Variants in HPCAL1 observed in about 807,000 individuals in gnomAD.
HPCAL1 encodes hippocalcin-like protein 1.
HPCAL1 carries 8 observed loss-of-function variants against 17.1 expected under a neutral mutation model. That is an observed-to-expected ratio of 0.47 (90% confidence interval 0.27 to 0.84). HPCAL1 has a LOEUF of 0.84. Among genes scored for constraint, HPCAL1 ranks in the 40% least tolerant of loss-of-function variants. The pLI, the probability that HPCAL1 is intolerant of heterozygous loss-of-function variation, is 0.13. For synonymous variants in HPCAL1, 112 were observed against 111.4 expected (o/e 1.01, Z -0.03); for missense variants, 165 against 271.1 (o/e 0.61, Z 2.75).
intron 2 of HPCAL1, among the ~76,000 whole-genome samples, chr2:10,409,245 G>A (rs919714368): frequency 6.6e-6 from 1 of 152,130 alleles, no homozygotes; most frequent in African/African-American, 2.4e-5. Flanking sequence ...AGACACGGAG[G>A]CACCTGAGAG....
chr2:10,376,637 A>G (rs1014081976), intron 1 of HPCAL1, among the ~76,000 whole-genome samples: 2 of 152,044 alleles, frequency 1.3e-5, no homozygotes, highest in African/African-American at 4.8e-5. Context: ...GGGCTTTACC[A>G]TGTTAGCCAG....
In HPCAL1 at chr2:10,426,825, A is replaced by G. The variant is rs1671438449; in HGVS notation, c.*4A>G. The stretch of plus-strand genomic sequence containing the variant: ...CAGCAGTGCCAGTCAGTTCTGAGCG[A>G]GCGGCCCCTGGACAGTTGCAGAGAA... On this transcript the variant is annotated 3_prime_UTR_variant, in exon 5 of 5. Transcript: ENST00000307845. 6.2e-7 allele frequency: 1 copy of G among 1,611,874 alleles called. No individual in the cohort carries two copies.
intron 1 of HPCAL1, among the ~76,000 whole-genome samples, chr2:10,336,027 G>A (rs1664695537): frequency 6.6e-6 from 1 of 151,760 alleles, no homozygotes; most frequent in Non-Finnish European, 1.5e-5. Context: ...TAAATTAATT[G>A]CATGTTCATA....
rs112147394 is a variant in HPCAL1, at chr2:10,367,914, G to A, written c.-110-28921G>A. On this transcript the variant is annotated intron_variant, in intron 1 of 4. Coordinates refer to ENST00000307845, the MANE Select transcript of HPCAL1 (RefSeq NM_002149.4). This position sits in a 1 kb window ranked among gnomAD's most constrained non-coding sequence, Gnocchi z 4.4. ...TGTGTGCTTGCATGTGTGTATGTGCGTGTGTGCCCATATGCGTGTGTAGGT... is the reference window on the plus strand; with the variant it reads ...TGTGTGCTTGCATGTGTGTATGTGCATGTGTGCCCATATGCGTGTGTAGGT... Among the ~76,000 whole-genome samples, 8,379 of 152,264 alleles carry A rather than the reference G, an allele frequency of 0.055. 334 individuals are homozygous for A. Among genetic ancestry groups the A allele is most frequent in the Non-Finnish European group, 0.085 (5,766 of 68,016 alleles).
At chr2:10,338,201 T>G (rs1261869405) in intron 1 of HPCAL1, among the ~76,000 whole-genome samples, 1 of 152,144 alleles carries the variant, frequency 6.6e-6, no homozygotes, top group Non-Finnish European at 1.5e-5. Flanking sequence ...AAGCGACTCC[T>G]AAGGGGCACG....
At chr2:10,396,456 G>A (rs896160189) in intron 1 of HPCAL1, among the ~76,000 whole-genome samples, 4 of 152,182 alleles carry the variant, frequency 2.6e-5, no homozygotes, top group Admixed American at 6.5e-5. Context: ...GAGGCTGTGC[G>A]TCTGTGATGG....
In HPCAL1 at chr2:10,323,195, G is replaced by A. The variant is rs1428799645; in HGVS notation, c.-111+20018G>A. Among the ~76,000 whole-genome samples, 1 of 152,212 alleles carries A rather than the reference G, an allele frequency of 6.6e-6. No individual in the cohort carries two copies. Among genetic ancestry groups the A allele is most frequent in the Admixed American group, 6.5e-5 (1 of 15,284 alleles). On this transcript the variant is annotated intron_variant, in intron 1 of 4. Coordinates refer to ENST00000307845, the MANE Select transcript of HPCAL1 (RefSeq NM_002149.4). This position sits in a 1 kb window ranked among gnomAD's most constrained non-coding sequence, Gnocchi z 4.6. ...GTTCCCCAGACGCGTTCCCCACGGA[G>A]TCCCAGCGTGTATGCATGGGGTCAC...
chr2:10,374,077 C>G (rs964985884), intron 1 of HPCAL1, among the ~76,000 whole-genome samples: 1 of 152,156 alleles, frequency 6.6e-6, no homozygotes, highest in Non-Finnish European at 1.5e-5. Flanking sequence ...GCCTGCTTCC[C>G]CACAGGCAGC....
intron 2 of HPCAL1, among the ~76,000 whole-genome samples, chr2:10,403,456 G>T (rs1273762776): frequency 2.2e-3 from 1 of 454 alleles, no homozygotes; most frequent in Non-Finnish European, 5.1e-3. Flanking sequence ...GAGTTCTTTT[G>T]TGTGTGTGTG....
chr2:10,319,566 G>A (rs917369157), intron 1 of HPCAL1, among the ~76,000 whole-genome samples: 2 of 140,450 alleles, frequency 1.4e-5, no homozygotes, highest in South Asian at 2.2e-4. Flanking sequence ...ATAGGCTGAC[G>A]GGCAGGTGGG....
At chr2:10,417,095 G>A (rs1670719714) in intron 2 of HPCAL1, among the ~76,000 whole-genome samples, 7 of 151,380 alleles carry the variant, frequency 4.6e-5, no homozygotes, top group Admixed American at 3.9e-4. Flanking sequence ...GGGCACAGTG[G>A]CTCACACCTG....
rs546529967 is a variant in HPCAL1 at position 10,367,795 on chromosome 2, C to T, written c.-110-29040C>T. ...CGGACATGAGCAGCCTCTGCTGCTGCGGCCACCCTCGCCGGCCCTGGATCC... is the reference window on the plus strand; with the variant it reads ...CGGACATGAGCAGCCTCTGCTGCTGTGGCCACCCTCGCCGGCCCTGGATCC... On this transcript the variant is annotated intron_variant, in intron 1 of 4. Transcript: ENST00000307845. This position sits in a 1 kb window ranked among gnomAD's most constrained non-coding sequence, Gnocchi z 4.4. 1.1e-4 allele frequency among the ~76,000 whole-genome samples: 16 copies of T among 152,292 alleles called. No homozygotes were observed. Among genetic ancestry groups the T allele is most frequent in the African/African-American group, 2.6e-4 (11 of 41,556 alleles).
rs535588599 is a variant in HPCAL1, at chr2:10,312,712, A to G, written c.-111+9535A>G. 2.0e-5 allele frequency among the ~76,000 whole-genome samples: 3 copies of G among 151,552 alleles called. No individual in the cohort carries two copies. The East Asian group carries it at 5.8e-4, about 30-fold the overall frequency. ...CACTATCATCCCCATCCCCATCATCATCACCATCACCACCATCATTGCTGT... is the reference window on the plus strand; with the variant it reads ...CACTATCATCCCCATCCCCATCATCGTCACCATCACCACCATCATTGCTGT... On this transcript the variant is annotated intron_variant, in intron 1 of 4. Transcript: ENST00000307845.
chr2:10,350,082 C>T (rs1481668931), intron 1 of HPCAL1, among the ~76,000 whole-genome samples: 5 of 152,312 alleles, frequency 3.3e-5, no homozygotes, highest in Admixed American at 2.6e-4. Context: ...TTTAATTCCT[C>T]TTCTGAGGGT....
intron 1 of HPCAL1, among the ~76,000 whole-genome samples, chr2:10,371,983 G>A (rs942790519): frequency 2.6e-5 from 4 of 152,292 alleles, no homozygotes; most frequent in Admixed American, 6.5e-5. Context: ...CTTCTTAGAG[G>A]GTGTTTCACA....
intron 2 of HPCAL1, chr2:10,408,478 G>A (rs2125606653): frequency 6.6e-6 from 1 of 152,364 alleles, no homozygotes; most frequent in Non-Finnish European, 1.5e-5. Flanking sequence ...AGGTCAGTGG[G>A]TTGGGTTTAG....
Position 10,305,231 on chromosome 2 carries a change from T to TAA in HPCAL1, c.-111+2063_-111+2064dup, listed in dbSNP as rs145250273. 1.5e-4 allele frequency among the ~76,000 whole-genome samples: 23 copies of TAA among 150,340 alleles called. 1 individual carries two copies. The South Asian group carries it at 1.9e-3, about 12-fold the overall frequency. On this transcript the variant is annotated intron_variant, in intron 1 of 4. Transcript: ENST00000307845. ...TCATAATCAGGTTCCATAATAATAT[T>TAA]AAAAAAAAAATCAGTCTGGCTTTCT...
intron 1 of HPCAL1, among the ~76,000 whole-genome samples, chr2:10,357,544 A>G (rs1414514264): frequency 6.6e-6 from 1 of 152,150 alleles, no homozygotes; most frequent in Non-Finnish European, 1.5e-5. Context: ...GTCGCCTGTG[A>G]CAGCGTTTCC....
At chr2:10,321,610 G>A (rs1663673491) in intron 1 of HPCAL1, among the ~76,000 whole-genome samples, 1 of 152,258 alleles carries the variant, frequency 6.6e-6, no homozygotes, top group South Asian at 2.1e-4. Context: ...ATAGCCATTA[G>A]CAGTCACTCC....
Sources: allele counts gnomAD v4.1 joint callset (sites outside exome capture counted in the v4.1 genomes callset), GRCh38; gene constraint gnomAD v4.1.1; non-coding constraint Gnocchi (gnomAD v3.1); transcripts MANE v1.5; gene names NCBI Gene and HGNC (gene_info 2026-07-23, HGNC 2026-07-21).